ARHGAP21: variants seen among roughly 807,000 people sequenced by gnomAD.
ARHGAP21 encodes Rho GTPase activating protein 21, also known as rho GTPase-activating protein 21.
Under a neutral mutation model 164.6 loss-of-function variants are expected in ARHGAP21, and 38 were observed. That is an observed-to-expected ratio of 0.23 (90% confidence interval 0.18 to 0.30). The LOEUF (loss-of-function observed/expected upper bound fraction) is 0.30, where lower values mean the gene tolerates loss of function less well. ARHGAP21 is among the 10% of genes least tolerant of loss of function. The probability of loss-of-function intolerance (pLI) is 1.00; values close to 1 mark genes in which losing one functional copy is unlikely to be tolerated. For synonymous variants in ARHGAP21, 766 were observed against 857.9 expected (o/e 0.89, Z 1.87); for missense variants, 1,822 against 2,370.7 (o/e 0.77, Z 4.81).
chr10:24,603,375 C>G (rs1307583269), intron 12 of ARHGAP21, among the ~76,000 whole-genome samples: 3 of 152,116 alleles, frequency 2.0e-5, no homozygotes, highest in Non-Finnish European at 4.4e-5. Context: ...GTTTTGGAAC[C>G]TGAATGTCAG....
chr10:24,591,007 T>C, intron 24 of ARHGAP21: 1 of 783,710 alleles, frequency 1.3e-6, no homozygotes, highest in Non-Finnish European at 1.5e-6. Context: ...AGTTCCATTC[T>C]GACAAACATT....
intron 2 of ARHGAP21, among the ~76,000 whole-genome samples, chr10:24,677,219 CTAAA>C (rs1416550854): frequency 6.6e-5 from 10 of 152,300 alleles, no homozygotes; most frequent in African/African-American, 2.2e-4. Flanking sequence ...GACTCCGACT[CTAAA>C]TAAATAAATA....
intron 4 of ARHGAP21, among the ~76,000 whole-genome samples, chr10:24,653,959 T>C (rs1035269335): frequency 1.3e-5 from 2 of 151,504 alleles, no homozygotes; most frequent in Admixed American, 6.6e-5. Flanking sequence ...TGGAGGAAAA[T>C]AGATGCAAAT....
chr10:24,697,017 C>T (rs915871287), intron 2 of ARHGAP21, among the ~76,000 whole-genome samples: 14 of 152,322 alleles, frequency 9.2e-5, no homozygotes, highest in Admixed American at 7.8e-4. Context: ...CAGCATTTAA[C>T]ATTCCAAGTC....
rs1340419834 is a variant in ARHGAP21, at chr10:24,607,485, C to G, written c.2684+14G>C. On this transcript the variant is annotated intron_variant, in intron 11 of 25. Coordinates refer to ENST00000396432, the MANE Select transcript of ARHGAP21 (RefSeq NM_020824.4). ...CCACATACAAATATTTAAAATAATACACCCGAGACTTACAATTTTGCATCT... is the reference window on the plus strand; with the variant it reads ...CCACATACAAATATTTAAAATAATAGACCCGAGACTTACAATTTTGCATCT... 3 of 1,603,958 alleles carry G rather than the reference C, an allele frequency of 1.9e-6. No homozygotes were observed. In the African/African-American group the frequency reaches 4.0e-5, roughly 21 times the overall value.
chr10:24,685,983 C>T (rs191125671), intron 2 of ARHGAP21, among the ~76,000 whole-genome samples: 1 of 152,298 alleles, frequency 6.6e-6, no homozygotes, highest in Admixed American at 6.5e-5. Flanking sequence ...ACATATACTT[C>T]ACTGGAAGTA....
intron 12 of ARHGAP21, 37 bp downstream of exon 12, chr10:24,604,275 G>GATAAACTAAGGTTATCTCTTAGGT: frequency 6.9e-7 from 1 of 1,456,618 alleles, no homozygotes; most frequent in Non-Finnish European, 9.3e-7. Flanking sequence ...TCTATGAAGA[G>GATAAACTAAGGTTATCTCTTAGGT]ATAAACTAAG....
chr10:24,690,338 A>G (rs1842653233), intron 2 of ARHGAP21, among the ~76,000 whole-genome samples: 1 of 152,232 alleles, frequency 6.6e-6, no homozygotes, highest in Admixed American at 6.5e-5. Flanking sequence ...CCAGAAAAGC[A>G]GGGAACCAAA....
chr10:24,600,108 G>C (rs2076750227), intron 14 of ARHGAP21, among the ~76,000 whole-genome samples: 1 of 128,628 alleles, frequency 7.8e-6, no homozygotes, highest in Admixed American at 9.6e-5. Context: ...ACTCCAGCCT[G>C]GGCAACAGAG....
intron 1 of ARHGAP21, among the ~76,000 whole-genome samples, chr10:24,722,942 T>C (rs981956216): frequency 4.0e-5 from 6 of 151,816 alleles, no homozygotes; most frequent in African/African-American, 1.2e-4. Flanking sequence ...AGTCGCGGCT[T>C]TTCCCCCAAC....
At chr10:24,702,213 T>C (rs1053836412) in intron 2 of ARHGAP21, among the ~76,000 whole-genome samples, 2 of 135,484 alleles carry the variant, frequency 1.5e-5, no homozygotes, top group African/African-American at 2.8e-5. Context: ...TCACTGCAAG[T>C]TCCATTTCCC....
chr10:24,640,847 A>T (rs1054201884), intron 4 of ARHGAP21, among the ~76,000 whole-genome samples: 1 of 152,216 alleles, frequency 6.6e-6, no homozygotes, highest in African/African-American at 2.4e-5. Context: ...TATTAAGGAA[A>T]AAAACAAAAA....
intron 4 of ARHGAP21, among the ~76,000 whole-genome samples, chr10:24,664,933 C>T (rs992341810): frequency 7.2e-5 from 11 of 152,118 alleles, no homozygotes; most frequent in African/African-American, 2.7e-4. Flanking sequence ...CAGCGAACTA[C>T]GTCAGACACA....
At chr10:24,696,940 C>A (rs1565180312) in intron 2 of ARHGAP21, among the ~76,000 whole-genome samples, 1 of 152,176 alleles carries the variant, frequency 6.6e-6, no homozygotes, top group East Asian at 1.9e-4. Flanking sequence ...GAAGATATTG[C>A]TATAGGTCTG....
intron 2 of ARHGAP21, among the ~76,000 whole-genome samples, chr10:24,684,116 G>A (rs1381989696): frequency 2.0e-5 from 3 of 151,906 alleles, no homozygotes; most frequent in Admixed American, 1.3e-4. Context: ...TCAAAACACC[G>A]TCTCTACTGA....
At chr10:24,680,345 A>G (rs1357809408) in intron 2 of ARHGAP21, among the ~76,000 whole-genome samples, 4 of 152,160 alleles carry the variant, frequency 2.6e-5, no homozygotes, top group African/African-American at 9.7e-5. Flanking sequence ...ACAGTATTAA[A>G]TTTATTTCTA....
At chr10:24,634,740 T>G (rs1009995037) in intron 5 of ARHGAP21, among the ~76,000 whole-genome samples, 1 of 152,216 alleles carries the variant, frequency 6.6e-6, no homozygotes, top group African/African-American at 2.4e-5. Flanking sequence ...CATGCAAAAT[T>G]TGTTCCTTTA....
chr10:24,687,147 G>A (rs1471028190), intron 2 of ARHGAP21, among the ~76,000 whole-genome samples: 3 of 151,888 alleles, frequency 2.0e-5, no homozygotes, highest in Admixed American at 1.3e-4. Flanking sequence ...TGAGGTCTGG[G>A]TGATGGAGAC....
At chr10:24,633,336 T>C in intron 6 of ARHGAP21, 66 bp downstream of exon 6, 11 of 1,132,986 alleles carry the variant, frequency 9.7e-6, no homozygotes, top group Admixed American at 2.0e-5. Context: ...GAAGATTGTA[T>C]TAAATCTATG....
Sources: gnomAD v4.1 joint callset for allele counts (sites outside exome capture counted in the v4.1 genomes callset) on GRCh38, gnomAD v4.1.1 for gene constraint, MANE v1.5 for transcripts, NCBI Gene and HGNC (gene_info 2026-07-23, HGNC 2026-07-21) for gene names.